Variants in NLRC3 observed in about 807,000 individuals in gnomAD.
NLRC3 encodes the protein NLR family CARD domain-containing protein 3.
Under a neutral mutation model 91.6 loss-of-function variants are expected in NLRC3, and 87 were observed. The observed-to-expected ratio is 0.95, with a 90% CI of 0.80 to 1.14. The LOEUF (loss-of-function observed/expected upper bound fraction) is 1.14, where lower values mean the gene tolerates loss of function less well. Ranked by LOEUF, NLRC3 falls within the 50% of genes most tolerant of loss-of-function variation. The pLI is 0.00. For synonymous variants in NLRC3, 694 were observed against 625.3 expected (o/e 1.11, Z -1.64); for missense variants, 1,577 against 1,418.6 (o/e 1.11, Z -1.79).
At chr16:3,561,845 G>C (rs2039629961) in intron 5 of NLRC3, 57 bp from the exon 6 acceptor site, 1 of 1,300,034 alleles carries the variant, frequency 7.7e-7, no homozygotes, top group Non-Finnish European at 1.1e-6. Context: ...CAGGGTGGGG[G>C]CCCTGGCCCG....
At chr16:3,575,450 C>T (rs1003074982) in intron 1 of NLRC3, among the ~76,000 whole-genome samples, 2 of 152,294 alleles carry the variant, frequency 1.3e-5, no homozygotes, top group South Asian at 2.1e-4. Context: ...AGGTGGGACT[C>T]GGGTTGCTTT....
chr16:3,556,966 C>T lies in NLRC3; in HGVS notation c.2128G>A (p.Gly710Arg), dbSNP rs765549283. ...AAAGCGTCTGCCAGCGCCTTGGCCC[C>T]TTGTGGTCCAATGGAGTTACCGCGG... Reference protein sequence around the residue: ...DLRGNSIGPQGAKALADALKI... With the variant: ...DLRGNSIGPQRAKALADALKI... The change falls in exon 8 of 20, where the codon GGG (glycine) becomes AGG (arginine). Residue 710 changes from glycine to arginine, a missense_variant. Gly to Arg is a moderately radical substitution (Grantham distance 125). Transcript: ENST00000359128. 2.5e-6 allele frequency: 4 copies of T among 1,613,678 alleles called. No homozygotes were observed. The highest frequency in any genetic ancestry group is 2.5e-6 in the Non-Finnish European group (3 of 1,179,628).
intron 1 of NLRC3, among the ~76,000 whole-genome samples, chr16:3,575,918 C>T (rs1774125067): frequency 6.6e-6 from 1 of 152,204 alleles, no homozygotes; most frequent in African/African-American, 2.4e-5. Context: ...CTCCCAGGGC[C>T]TTGGAATTCA....
At chr16:3,573,265 A>AC (rs2040163313) in intron 1 of NLRC3, among the ~76,000 whole-genome samples, 1 of 134,200 alleles carries the variant, frequency 7.5e-6, no homozygotes, top group African/African-American at 3.0e-5. Flanking sequence ...TAAAAAGTAC[A>AC]AAAAAAAAAA....
chr16:3,542,895 G>C, intron 17 of NLRC3, 120 bp from the exon 18 acceptor site: 1 of 661,408 alleles, frequency 1.5e-6, no homozygotes, highest in Non-Finnish European at 2.7e-6. Context: ...AGTCACAGGA[G>C]GCCAGGGCTG....
chr16:3,575,526 G>C (rs537680430), intron 1 of NLRC3, among the ~76,000 whole-genome samples: 1 of 152,238 alleles, frequency 6.6e-6, no homozygotes, highest in Non-Finnish European at 1.5e-5. Flanking sequence ...GGCGAGGCCA[G>C]AGGGACGAGT....
At chr16:3,557,861 C>CCCTAA (rs1297031773) in intron 6 of NLRC3, among the ~76,000 whole-genome samples, 185 bp from the exon 7 acceptor site, 2 of 152,154 alleles carry the variant, frequency 1.3e-5, no homozygotes, top group Admixed American at 6.5e-5. Flanking sequence ...GCCTGGGCAG[C>CCCTAA]GTAGGGCCAG....
In NLRC3 at chr16:3,565,337, C is replaced by T. The variant is rs1245532304; in HGVS notation, c.-43G>A. 3 of 634,730 alleles carry T rather than the reference C, an allele frequency of 4.7e-6. No homozygotes were observed. In the Admixed American group the frequency reaches 6.3e-5, roughly 13 times the overall value. 39.3% of individuals were successfully genotyped at this position (634,730 alleles called of 1,614,324 possible). A position where few individuals can be genotyped will look rare whatever the true frequency, so the allele number is the denominator to read the frequency against. On this transcript the variant is annotated 5_prime_UTR_variant, in exon 3 of 20. Coordinates refer to ENST00000359128, the MANE Select transcript of NLRC3 (RefSeq NM_178844.4). The stretch of plus-strand genomic sequence containing the variant: ...CACTTACCAGATAGGTGACTGAGGG[C>T]AGGCTGAGTCACCTCTCTGCGCCTT...
chr16:3,542,321 A>C, intron 18 of NLRC3, 47 bp from the exon 19 acceptor site: 1 of 1,189,890 alleles, frequency 8.4e-7, no homozygotes, highest in Non-Finnish European at 1.2e-6. Flanking sequence ...TCAGGGCAGA[A>C]GGAAAACACC....
At chr16:3,553,043 C>T (rs1441175483) in intron 9 of NLRC3, among the ~76,000 whole-genome samples, 5 of 152,148 alleles carry the variant, frequency 3.3e-5, no homozygotes, top group Admixed American at 2.0e-4. Flanking sequence ...GGAGACAGCA[C>T]GGGAGAAACC....
Position 3,554,429 on chromosome 16 carries a change from G to A in NLRC3, c.2184-104C>T. ...GCACCTCTGTGGAGCAAGGGGTTCTGACCACTACGTGCCCTCACCGCCCAC... is the reference window on the plus strand; with the variant it reads ...GCACCTCTGTGGAGCAAGGGGTTCTAACCACTACGTGCCCTCACCGCCCAC... On this transcript the variant is annotated intron_variant, in intron 8 of 19. Transcript: ENST00000359128. 6 of 790,024 alleles carry A rather than the reference G, an allele frequency of 7.6e-6. No individual in the cohort carries two copies. In the South Asian group the frequency reaches 8.9e-5, roughly 12 times the overall value. The allele number at this position is 790,024 out of a possible 1,614,324, so 48.9% of individuals were successfully genotyped here. A position where few individuals can be genotyped will look rare whatever the true frequency, so the allele number is the denominator to read the frequency against.
Position 3,548,223 on chromosome 16 carries a change from G to T in NLRC3, c.2688-5C>A, listed in dbSNP as rs1389414275. The T allele has an allele frequency of 1.3e-6, 2 of 1,586,846 alleles. No individual in the cohort carries two copies. Among genetic ancestry groups the T allele is most frequent in the East Asian group, 2.3e-5 (1 of 43,818 alleles). On this transcript the variant is annotated splice_region_variant and splice_polypyrimidine_tract_variant and intron_variant, in intron 14 of 19. Coordinates refer to ENST00000359128, the MANE Select transcript of NLRC3 (RefSeq NM_178844.4). ...TGGATGAAGTTCCACTGCAGGCTGG[G>T]CAGACACAGACACATGTGACTATGT...
chr16:3,560,630 T>A (rs1055468764), intron 6 of NLRC3, among the ~76,000 whole-genome samples: 11 of 152,130 alleles, frequency 7.2e-5, no homozygotes, highest in Non-Finnish European at 1.5e-4. Flanking sequence ...AATTACAAGA[T>A]GAAGGTTTTT....
rs542961677 is a variant in NLRC3, at chr16:3,541,871, G to A, written c.3152C>T (p.Ser1051Leu). Residue 1051 changes from serine (S) to leucine (L), a missense_variant, in exon 20 of 20, where the codon TCA (serine) becomes TTA (leucine). Transcript: ENST00000359128. Reference protein sequence around the residue: ...HIGDSGARMISEAIKTNAPTC... With the variant: ...HIGDSGARMILEAIKTNAPTC... The stretch of plus-strand genomic sequence containing the variant: ...GGGAGCATTTGTCTTGATGGCCTCT[G>A]AGATCATCCTGGCCCCGGAGTCCCC... The A allele has an allele frequency of 3.1e-6, 5 of 1,612,748 alleles. No individual in the cohort carries two copies. The South Asian group carries it at 5.5e-5, about 18-fold the overall frequency.
At chr16:3,548,986 G>T (rs1437304804) in intron 13 of NLRC3, among the ~76,000 whole-genome samples, 156 bp downstream of exon 13, 1 of 152,172 alleles carries the variant, frequency 6.6e-6, no homozygotes, top group African/African-American at 2.4e-5. Context: ...GAGAGTGGGG[G>T]ACTTGCCACC....
rs1243884300 is a variant in NLRC3, at chr16:3,556,913, CAG to C, written c.2179_2180del (p.Leu727GlufsTer8). 1 of 1,611,290 alleles carries C rather than the reference CAG, an allele frequency of 6.2e-7. No homozygotes were observed. The highest frequency in any genetic ancestry group is 1.7e-5 in the Admixed American group (1 of 59,994). On this transcript the variant is annotated frameshift_variant, in exon 8 of 20. Coordinates refer to ENST00000359128, the MANE Select transcript of NLRC3 (RefSeq NM_178844.4). LOFTEE classifies it high-confidence loss of function. ...ALKINRTLTS[L>X]SLQGNTVRDD... ...CACAGGGAGCAGGTGACACACACCTCAGGGAGGTCAGGGTGCGGTTGATCTTC... is the reference window on the plus strand; with the variant it reads ...CACAGGGAGCAGGTGACACACACCTCGGAGGTCAGGGTGCGGTTGATCTTC...
In NLRC3 at chr16:3,564,484, C is replaced by G. The variant is rs1388607923; in HGVS notation, c.453G>C (p.Lys151Asn). 1 of 1,612,574 alleles carries G rather than the reference C, an allele frequency of 6.2e-7. No individual in the cohort carries two copies. The highest frequency in any genetic ancestry group is 1.1e-5 in the South Asian group (1 of 91,084). ...GGACGAAGTGCCTCACCAGGGTGGT[C>G]TTGCCCATGCCGGCCACCCCGATAG... Reference protein sequence around the residue: ...SITIGVAGMGKTTLVRHFVRL... With the variant: ...SITIGVAGMGNTTLVRHFVRL... The change falls in exon 5 of 20, where the codon AAG (lysine) becomes AAC (asparagine). Residue 151 changes from lysine to asparagine, a missense_variant. Physicochemically the swap from Lys to Asn is moderately conservative, Grantham distance 94. Transcript: ENST00000359128. The surrounding 1 kb of genome is among the most constrained non-coding windows in gnomAD (Gnocchi z 5.9).
Position 3,564,834 on chromosome 16 carries a change from C to A in NLRC3, c.178+25G>T. ...ATCAGCCCAGGTGTTCCCCACCCCGCGTCTGCCTCCCAAGCCGGTCCTACC... is the reference window on the plus strand; with the variant it reads ...ATCAGCCCAGGTGTTCCCCACCCCGAGTCTGCCTCCCAAGCCGGTCCTACC... On this transcript the variant is annotated intron_variant, in intron 4 of 19. Coordinates refer to ENST00000359128, the MANE Select transcript of NLRC3 (RefSeq NM_178844.4). This position sits in a 1 kb window ranked among gnomAD's most constrained non-coding sequence, Gnocchi z 5.9. 1 of 1,587,382 alleles carries A rather than the reference C, an allele frequency of 6.3e-7. No individual in the cohort carries two copies. Among genetic ancestry groups the A allele is most frequent in the Non-Finnish European group, 8.6e-7 (1 of 1,167,508 alleles).
chr16:3,570,553 A>G (rs540381432), intron 1 of NLRC3, among the ~76,000 whole-genome samples: 1 of 152,266 alleles, frequency 6.6e-6, no homozygotes, highest in African/African-American at 2.4e-5. Flanking sequence ...ATAAACTGTG[A>G]GTGACAAAGA....
Sources: gnomAD v4.1 joint callset for allele counts (sites outside exome capture counted in the v4.1 genomes callset) on GRCh38, gnomAD v4.1.1 for gene constraint, Gnocchi (gnomAD v3.1) non-coding constraint, MANE v1.5 for transcripts, NCBI Gene and HGNC (gene_info 2026-07-23, HGNC 2026-07-21) for gene names.